Variants in SLC24A3 observed in about 807,000 individuals in gnomAD.
The protein encoded by SLC24A3 is solute carrier family 24 member 3.
SLC24A3 carries 28 observed loss-of-function variants against 75.8 expected under a neutral mutation model. The observed-to-expected ratio is 0.37, with a 90% confidence interval of 0.27 to 0.51. The LOEUF (loss-of-function observed/expected upper bound fraction) is 0.51. SLC24A3 is among the 20% of genes least tolerant of loss of function. SLC24A3 has a pLI of 0.94. For synonymous variants in SLC24A3, 372 were observed against 334.1 expected (o/e 1.11, Z -1.24); for missense variants, 663 against 847.8 (o/e 0.78, Z 2.71).
intron 6 of SLC24A3, among the ~76,000 whole-genome samples, chr20:19,643,305 A>G (rs567069359): frequency 3.4e-4 from 52 of 152,320 alleles, no homozygotes; most frequent in African/African-American, 1.2e-3. Context: ...TGATACTGTG[A>G]AAGTCCCCTT....
chr20:19,220,318 T>C (rs1390375903), intron 1 of SLC24A3, among the ~76,000 whole-genome samples: 1 of 152,266 alleles, frequency 6.6e-6, no homozygotes, highest in African/African-American at 2.4e-5. Flanking sequence ...CTTTTACATT[T>C]GGAATATTTG....
At chr20:19,336,662 C>G (rs1003569546) in intron 2 of SLC24A3, among the ~76,000 whole-genome samples, 2 of 150,494 alleles carry the variant, frequency 1.3e-5, no homozygotes, top group African/African-American at 2.4e-5. Context: ...GGATTAGAGG[C>G]GTGAGCCACT....
chr20:19,435,564 G>A (rs1405153803), intron 2 of SLC24A3, among the ~76,000 whole-genome samples: 1 of 152,116 alleles, frequency 6.6e-6, no homozygotes, highest in Non-Finnish European at 1.5e-5. Flanking sequence ...GACAGTTAGG[G>A]GTATCCCAGG....
At position 19,518,030 on chromosome 20, in the gene SLC24A3, A is replaced by T. The variant is rs554963433; in HGVS notation, c.348+2466A>T. 9.8e-5 allele frequency among the ~76,000 whole-genome samples: 15 copies of T among 152,334 alleles called. No individual in the cohort carries two copies. In the South Asian group the frequency reaches 3.1e-3, roughly 32 times the overall value. ...CTGTGTCCAGCCATTGAATGCCTGG[A>T]GTTGGACAGTCACTTTTTGTTCAGG... is the stretch of plus-strand genomic sequence containing the variant. On this transcript the variant is annotated intron_variant, in intron 3 of 16. Coordinates refer to ENST00000328041, the MANE Select transcript of SLC24A3 (RefSeq NM_020689.4).
chr20:19,668,189 AGT>A (rs751859703), intron 8 of SLC24A3, among the ~76,000 whole-genome samples: 3 of 152,158 alleles, frequency 2.0e-5, no homozygotes, highest in African/African-American at 4.8e-5. Context: ...TTTGCACGTG[AGT>A]GAGGCTGAGA....
rs769797387 is a variant in SLC24A3 at position 19,693,349 on chromosome 20, G to T, written c.1415G>T (p.Trp472Leu). 20 of 1,614,154 alleles carry T rather than the reference G, an allele frequency of 1.2e-5. No individual in the cohort carries two copies. In the Admixed American group the frequency reaches 1.5e-4, roughly 12 times the overall value. The change falls in exon 13 of 17, where the codon TGG (tryptophan) becomes TTG (leucine). Residue 472 changes from tryptophan to leucine, a missense_variant. Physicochemically the swap from Trp to Leu is moderately conservative, Grantham distance 61. Transcript: ENST00000328041. ...GTACCCAACTGCAACAAGCCGCGCT[G>T]GGAGAAATGGTTCATGGTGACGTTT... ...FTVPNCNKPR[W>L]EKWFMVTFAS...
At chr20:19,269,734 T>G (rs964861447) in intron 1 of SLC24A3, among the ~76,000 whole-genome samples, 1 of 149,346 alleles carries the variant, frequency 6.7e-6, no homozygotes, top group Admixed American at 6.6e-5. Context: ...CTGACACAGA[T>G]GCCCCCTGTT....
rs143173506 is a variant in SLC24A3, at chr20:19,255,086, T to C, written c.143-25873T>C. 3.1e-4 allele frequency among the ~76,000 whole-genome samples: 47 copies of C among 152,288 alleles called. 3 individuals carry two copies. The highest frequency in any genetic ancestry group is 1.1e-3 in the African/African-American group (46 of 41,562). ...CACTGGGTGGGGATCCATGTGGCAA[T>C]ATTATTTATAAGGGATAGAAGTTCA... is the stretch of plus-strand genomic sequence containing the variant. On this transcript the variant is annotated intron_variant, in intron 1 of 16. Transcript: ENST00000328041.
At chr20:19,366,062 CCAACCCT>C (rs1985884358) in intron 2 of SLC24A3, among the ~76,000 whole-genome samples, 1 of 152,160 alleles carries the variant, frequency 6.6e-6, no homozygotes, top group Admixed American at 6.5e-5. Context: ...TTCTACCTGC[CCAACCCT>C]CATGATTAAC....
intron 2 of SLC24A3, among the ~76,000 whole-genome samples, chr20:19,310,471 G>A (rs1984433129): frequency 6.6e-6 from 1 of 152,202 alleles, no homozygotes; most frequent in Non-Finnish European, 1.5e-5. Context: ...CTCTGAATGA[G>A]AGCTTGAGAA....
chr20:19,695,267 A>T (rs2032791384), intron 13 of SLC24A3, among the ~76,000 whole-genome samples: 1 of 152,116 alleles, frequency 6.6e-6, no homozygotes, highest in African/African-American at 2.4e-5. Flanking sequence ...GCCCAGGAGG[A>T]ACTGTGAGAA....
chr20:19,429,581 G>GTAA (rs1263523119), intron 2 of SLC24A3, among the ~76,000 whole-genome samples: 1 of 152,186 alleles, frequency 6.6e-6, no homozygotes, highest in East Asian at 1.9e-4. Context: ...AAGACGATGA[G>GTAA]AGTTAGACTT....
chr20:19,616,692 GA>G (rs2031741085), intron 6 of SLC24A3, among the ~76,000 whole-genome samples: 1 of 152,094 alleles, frequency 6.6e-6, no homozygotes, highest in South Asian at 2.1e-4. Context: ...GACATGGGAA[GA>G]TCTAGGGGCC....
chr20:19,604,015 C>G (rs1016657886), intron 6 of SLC24A3, among the ~76,000 whole-genome samples: 4 of 152,186 alleles, frequency 2.6e-5, no homozygotes, highest in African/African-American at 7.2e-5. Flanking sequence ...CCGGGCAGCA[C>G]AGTGTGGTCC....
chr20:19,670,600 G>C (rs375558083), intron 8 of SLC24A3, among the ~76,000 whole-genome samples: 85 of 152,286 alleles, frequency 5.6e-4, no homozygotes, highest in African/African-American at 1.9e-3. Flanking sequence ...TCATTTTCTG[G>C]TGACTTCTCA....
chr20:19,565,988 G>A (rs2030950861), intron 3 of SLC24A3, among the ~76,000 whole-genome samples: 1 of 152,198 alleles, frequency 6.6e-6, no homozygotes, highest in Non-Finnish European at 1.5e-5. Context: ...ATGAGCTAAT[G>A]CATATCAAGC....
chr20:19,525,763 G>T (rs551738983), intron 3 of SLC24A3, among the ~76,000 whole-genome samples: 208 of 152,222 alleles, frequency 1.4e-3, no homozygotes, highest in African/African-American at 4.8e-3. Context: ...CAGCTGGGCC[G>T]CTCAAAGAGG....
intron 7 of SLC24A3, among the ~76,000 whole-genome samples, chr20:19,664,908 G>C (rs2032379668): frequency 6.6e-6 from 1 of 152,162 alleles, no homozygotes; most frequent in Admixed American, 6.5e-5. Flanking sequence ...TTCGGAGCTG[G>C]GGCTGAGTTC....
At chr20:19,578,338 T>C (rs1199168899) in intron 3 of SLC24A3, among the ~76,000 whole-genome samples, 1 of 151,592 alleles carries the variant, frequency 6.6e-6, no homozygotes, top group Non-Finnish European at 1.5e-5. Context: ...CATGCGTGTG[T>C]GTGTGCATGT....
Sources: gnomAD v4.1 joint callset for allele counts (sites outside exome capture counted in the v4.1 genomes callset) on GRCh38, gnomAD v4.1.1 for gene constraint, MANE v1.5 for transcripts, NCBI Gene and HGNC (gene_info 2026-07-23, HGNC 2026-07-21) for gene names.